The following PTPRT variants were observed in gnomAD, a reference collection of about 807,000 sequenced individuals.
The protein encoded by PTPRT is protein tyrosine phosphatase receptor type T, also known as receptor-type tyrosine-protein phosphatase T.
In PTPRT, 56 loss-of-function variants were observed where a neutral mutation model predicts 176.8. That is an observed-to-expected ratio of 0.32 (90% CI 0.26 to 0.40). PTPRT has a LOEUF of 0.40. PTPRT is among the 10% of genes least tolerant of loss of function. PTPRT has a pLI of 1.00. For missense variants in PTPRT, 1,540 were observed against 1,908.2 expected (o/e 0.81, Z 3.60); for synonymous variants, 783 against 739.0 (o/e 1.06, Z -0.96).
intron 7 of PTPRT, among the ~76,000 whole-genome samples, chr20:42,498,932 C>A (rs2071701068): frequency 6.6e-6 from 1 of 152,292 alleles, no homozygotes; most frequent in Non-Finnish European, 1.5e-5. Context: ...TAACTTCTGT[C>A]TTCCTAAAAT....
At chr20:42,285,883 T>C (rs1481812255) in intron 12 of PTPRT, among the ~76,000 whole-genome samples, 10 of 152,010 alleles carry the variant, frequency 6.6e-5, no homozygotes, top group African/African-American at 2.4e-4. Context: ...GTAATGTTTC[T>C]ATACATGAAT....
chr20:42,659,365 A>T (rs1414543825), intron 7 of PTPRT, among the ~76,000 whole-genome samples: 3 of 152,200 alleles, frequency 2.0e-5, no homozygotes, highest in African/African-American at 7.2e-5. Flanking sequence ...TTTGTGTGAC[A>T]TATTACAGGC....
intron 2 of PTPRT, among the ~76,000 whole-genome samples, chr20:42,874,967 C>A (rs142698329): frequency 0.013 from 1,960 of 152,314 alleles, 45 homozygotes; most frequent in African/African-American, 0.045. Flanking sequence ...CAGCTCACTG[C>A]AACCTCTGCC....
At chr20:42,883,740 T>TATACA (rs2079049903) in intron 2 of PTPRT, among the ~76,000 whole-genome samples, 929 of 12,198 alleles carry the variant, frequency 0.076, no homozygotes, top group African/African-American at 0.19. Context: ...CCCCATACAC[T>TATACA]CTCACACATA....
chr20:43,030,369 C>T (rs1448526395), intron 1 of PTPRT, among the ~76,000 whole-genome samples: 2 of 152,136 alleles, frequency 1.3e-5, no homozygotes, highest in East Asian at 3.9e-4. Context: ...ATATATGATG[C>T]TCCAAAAATA....
intron 4 of PTPRT, among the ~76,000 whole-genome samples, chr20:42,774,767 C>A (rs567896148): frequency 2.0e-5 from 3 of 152,226 alleles, no homozygotes; most frequent in African/African-American, 7.2e-5. Context: ...AGGAGCTGAT[C>A]TAGGCTACCC....
At position 43,111,546 on chromosome 20, in the gene PTPRT, GAAAAA is replaced by G. The variant is rs11424029; in HGVS notation, c.88+78095_88+78099del. Among the ~76,000 whole-genome samples the G allele has an allele frequency of 2.5e-3, 205 of 83,452 alleles. 1 individual carries two copies. Among genetic ancestry groups the G allele is most frequent in the Non-Finnish European group, 4.3e-3 (188 of 43,512 alleles). The allele number at this position is 83,452 out of a possible 152,430, so 54.7% of individuals were successfully genotyped here. A position where few individuals can be genotyped will look rare whatever the true frequency, so the allele number is the denominator to read the frequency against. On this transcript the variant is annotated intron_variant, in intron 1 of 30. Coordinates refer to ENST00000373187, the MANE Select transcript of PTPRT (RefSeq NM_007050.6). ...GGGACAGAGCGAGACTCCGTCTCAGGAAAAAAAAAAAAAAAAAAAAAAAGAATGGT... is the reference window on the plus strand; with the variant it reads ...GGGACAGAGCGAGACTCCGTCTCAGGAAAAAAAAAAAAAAAAAAGAATGGT...
chr20:43,039,007 T>TC (rs1486428546), intron 1 of PTPRT, among the ~76,000 whole-genome samples: 21 of 152,194 alleles, frequency 1.4e-4, no homozygotes, highest in Admixed American at 9.8e-4. Flanking sequence ...GCCTGAGATC[T>TC]CTAACTTAAT....
chr20:42,050,748 G>C, the PTPRT span, among the ~76,000 whole-genome samples: 1 of 152,160 alleles, frequency 6.6e-6, no homozygotes, highest in African/African-American at 2.4e-5. Context: ...CCTGAATCAC[G>C]GAGGCGGGTG....
At chr20:43,081,964 T>C (rs754088986) in intron 1 of PTPRT, among the ~76,000 whole-genome samples, 9 of 152,230 alleles carry the variant, frequency 5.9e-5, no homozygotes, top group Non-Finnish European at 8.8e-5. Flanking sequence ...ATCACTATTA[T>C]ATCTTCCTGG....
intron 1 of PTPRT, among the ~76,000 whole-genome samples, chr20:43,000,640 A>C (rs879890300): frequency 2.6e-5 from 4 of 152,216 alleles, no homozygotes; most frequent in Non-Finnish European, 5.9e-5. Flanking sequence ...TAAAAAAATC[A>C]AAACTTGAGA....
chr20:42,847,148 AT>A (rs1335625792), intron 2 of PTPRT, among the ~76,000 whole-genome samples: 9 of 152,224 alleles, frequency 5.9e-5, no homozygotes, highest in Non-Finnish European at 1.0e-4. Flanking sequence ...CAAAGGGAAT[AT>A]TTACAAAGGT....
chr20:42,563,025 A>T (rs1397941703), intron 7 of PTPRT, among the ~76,000 whole-genome samples: 7 of 152,216 alleles, frequency 4.6e-5, no homozygotes, highest in African/African-American at 1.7e-4. Context: ...AAAGTGTAAT[A>T]AGGTTAAAAG....
intron 7 of PTPRT, among the ~76,000 whole-genome samples, chr20:42,614,923 T>C (rs1189995435): frequency 6.7e-5 from 6 of 89,910 alleles, no homozygotes; most frequent in Non-Finnish European, 1.3e-4. Context: ...TGTTGTTTTC[T>C]TTTTTTTTTT....
At chr20:42,566,415 C>A (rs1192127318) in intron 7 of PTPRT, among the ~76,000 whole-genome samples, 1 of 152,170 alleles carries the variant, frequency 6.6e-6, no homozygotes, top group Non-Finnish European at 1.5e-5. Flanking sequence ...GGATTACAGG[C>A]ACCGCAGCCA....
intron 9 of PTPRT, among the ~76,000 whole-genome samples, chr20:42,442,186 C>T (rs2059322346): frequency 6.6e-6 from 1 of 152,148 alleles, no homozygotes; most frequent in Non-Finnish European, 1.5e-5. Context: ...CCAGCTGGTC[C>T]CCTCTCTCCA....
chr20:42,717,686 A>T (rs1038153928), intron 6 of PTPRT, among the ~76,000 whole-genome samples: 3 of 152,258 alleles, frequency 2.0e-5, no homozygotes, highest in Non-Finnish European at 4.4e-5. Context: ...ACTGTTATTC[A>T]TCAACAGATG....
At chr20:42,115,909 A>G in intron 21 of PTPRT, 7 of 624,918 alleles carry the variant, frequency 1.1e-5, no homozygotes, top group Non-Finnish European at 2.9e-6. Flanking sequence ...GCTGGACTCC[A>G]AGGGAAGATG....
At chr20:42,102,350 G>C (rs1986024187) in intron 25 of PTPRT, 53 bp from the exon 26 acceptor site, 1 of 1,563,910 alleles carries the variant, frequency 6.4e-7, no homozygotes, top group Non-Finnish European at 8.8e-7. Flanking sequence ...CTGCCCCTGA[G>C]CAAAAGAGAC....
Sources: gnomAD v4.1 joint callset for allele counts (sites outside exome capture counted in the v4.1 genomes callset) on GRCh38, gnomAD v4.1.1 for gene constraint, MANE v1.5 for transcripts, NCBI Gene and HGNC (gene_info 2026-07-23, HGNC 2026-07-21) for gene names.